Variants in RBPJ observed in about 807,000 individuals in gnomAD.
The protein encoded by RBPJ is recombination signal binding protein for immunoglobulin kappa J region, also known as recombining binding protein suppressor of hairless.
In RBPJ, 9 loss-of-function variants were observed where a neutral mutation model predicts 67.8. That is an observed-to-expected ratio of 0.13 (90% CI 0.08 to 0.23). The LOEUF (loss-of-function observed/expected upper bound fraction) is 0.23. RBPJ is among the 10% of genes least tolerant of loss of function. RBPJ has a pLI of 1.00. For missense variants in RBPJ, 305 were observed against 595.6 expected (o/e 0.51, Z 5.08); for synonymous variants, 198 against 203.3 (o/e 0.97, Z 0.22).
intron 1 of RBPJ, among the ~76,000 whole-genome samples, chr4:26,281,308 C>G (rs376878340): frequency 6.6e-6 from 1 of 151,956 alleles, no homozygotes; most frequent in East Asian, 1.9e-4. Flanking sequence ...GGCGGAGTTT[C>G]GCTCTTGTTG....
At chr4:26,163,933 A>C (rs1716158990) in intron 1 of RBPJ, among the ~76,000 whole-genome samples, 1 of 152,244 alleles carries the variant, frequency 6.6e-6, no homozygotes, top group Non-Finnish European at 1.5e-5. Flanking sequence ...AGGACCTTTC[A>C]TGTCTCCTCA....
chr4:26,115,385 A>G, the RBPJ span, among the ~76,000 whole-genome samples: 1 of 151,980 alleles, frequency 6.6e-6, no homozygotes, highest in East Asian at 1.9e-4. Context: ...GTTGGCCAGT[A>G]TAAGTTTTTT....
At chr4:26,214,645 AG>A (rs879757728) in intron 1 of RBPJ, among the ~76,000 whole-genome samples, 6 of 140,212 alleles carry the variant, frequency 4.3e-5, no homozygotes, top group East Asian at 2.2e-4. Flanking sequence ...AAAAGAAAAA[AG>A]AAAGAGAAAA....
chr4:26,266,492 G>C (rs1029249267), intron 1 of RBPJ, among the ~76,000 whole-genome samples: 8 of 152,096 alleles, frequency 5.3e-5, no homozygotes, highest in Admixed American at 5.2e-4. Context: ...AACTTAGCAA[G>C]GCCTATTTGT....
intron 1 of RBPJ, among the ~76,000 whole-genome samples, chr4:26,302,328 T>C (rs1722102586): frequency 6.6e-6 from 1 of 152,220 alleles, no homozygotes; most frequent in Non-Finnish European, 1.5e-5. Flanking sequence ...GGCTGAACTT[T>C]AGAGCTGGAA....
intron 1 of RBPJ, among the ~76,000 whole-genome samples, chr4:26,255,210 C>T (rs1205230855): frequency 2.8e-5 from 4 of 141,422 alleles, no homozygotes; most frequent in Admixed American, 7.1e-5. Context: ...CGGGACCATC[C>T]TGGCTAACAC....
rs33970711 is a variant in RBPJ, at chr4:26,268,019, AT to A, written c.-166-94419del. On this transcript the variant is annotated intron_variant, in intron 1 of 4. Transcript: ENST00000512351. ...TAGTATTACTATAAAAATAAAAATG[AT>A]TTTTTTTAAGGTATAAGCTTTTAAA... Among the ~76,000 whole-genome samples the A allele has an allele frequency of 2.8e-3, 425 of 152,154 alleles. 1 individual carries two copies. The highest frequency in any genetic ancestry group is 7.6e-3 in the African/African-American group (315 of 41,504).
chr4:26,228,856 G>A (rs143592981), intron 1 of RBPJ, among the ~76,000 whole-genome samples: 1 of 152,196 alleles, frequency 6.6e-6, no homozygotes, highest in East Asian at 1.9e-4. Context: ...GCTTGGTACA[G>A]AAACTCTCTG....
chr4:26,324,917 A>G (rs1378987477), intron 1 of RBPJ, among the ~76,000 whole-genome samples: 1 of 152,208 alleles, frequency 6.6e-6, no homozygotes, highest in East Asian at 1.9e-4. Flanking sequence ...TTAATTTTAA[A>G]TATGCCTTAT....
At chr4:26,276,029 C>G (rs1432697224) in intron 1 of RBPJ, among the ~76,000 whole-genome samples, 1 of 151,108 alleles carries the variant, frequency 6.6e-6, no homozygotes, top group Non-Finnish European at 1.5e-5. Flanking sequence ...AATCCCAGCA[C>G]TTTGGGAGGC....
intron 1 of RBPJ, among the ~76,000 whole-genome samples, chr4:26,238,906 A>C (rs956750428): frequency 8.5e-5 from 13 of 152,146 alleles, no homozygotes; most frequent in African/African-American, 3.1e-4. Context: ...ACAAAGCAGC[A>C]GGTGAGAGAG....
Position 26,269,198 on chromosome 4 carries a change from ATTATT to A in RBPJ, c.-166-93236_-166-93232del, listed in dbSNP as rs746388620. On this transcript the variant is annotated intron_variant, in intron 1 of 4. Coordinates refer to the RBPJ transcript ENST00000512351. The stretch of plus-strand genomic sequence containing the variant: ...TGCTGCCCAGGCCCTCTCCTTGGCT[ATTATT>A]TTATTTTATTTATTTATTTATTTAA... Among the ~76,000 whole-genome samples, 778 of 151,138 alleles carry A rather than the reference ATTATT, an allele frequency of 5.1e-3. 3 individuals are homozygous for A. Among genetic ancestry groups the A allele is most frequent in the Non-Finnish European group, 7.3e-3 (496 of 67,808 alleles).
intron 2 of RBPJ, among the ~76,000 whole-genome samples, chr4:26,388,622 T>A (rs1320109643): frequency 6.6e-6 from 1 of 152,068 alleles, no homozygotes; most frequent in Non-Finnish European, 1.5e-5. Context: ...TCTCTCTCTC[T>A]CTCTCAAATT....
chr4:26,109,499 CACATAT>C, the RBPJ span, among the ~76,000 whole-genome samples: 1 of 76,946 alleles, frequency 1.3e-5, no homozygotes, highest in Non-Finnish European at 2.6e-5. Flanking sequence ...TATACACACA[CACATAT>C]ATATATATAC....
chr4:26,139,037 C>G, the RBPJ span, among the ~76,000 whole-genome samples: 2 of 152,210 alleles, frequency 1.3e-5, no homozygotes, highest in Admixed American at 6.5e-5. Context: ...CTCAGGACAA[C>G]CCAGGCAGCT....
chr4:26,404,673 T>G (rs566159402), intron 2 of RBPJ, among the ~76,000 whole-genome samples: 1 of 152,340 alleles, frequency 6.6e-6, no homozygotes, highest in Admixed American at 6.5e-5. Context: ...GTTAAAGTGC[T>G]TAGTTCAAGG....
chr4:26,408,967 C>G (rs916344149), intron 3 of RBPJ, among the ~76,000 whole-genome samples: 1 of 152,214 alleles, frequency 6.6e-6, no homozygotes, highest in Non-Finnish European at 1.5e-5. Context: ...TGAGATTGGG[C>G]TAGCCCAATT....
At chr4:26,198,964 C>T (rs1164947335) in intron 1 of RBPJ, among the ~76,000 whole-genome samples, 1 of 151,816 alleles carries the variant, frequency 6.6e-6, no homozygotes, top group Admixed American at 6.6e-5. Flanking sequence ...TTAAGTGTAC[C>T]GTTCTGTGGC....
chr4:26,266,050 G>T (rs1477841923), intron 1 of RBPJ, among the ~76,000 whole-genome samples: 1 of 150,858 alleles, frequency 6.6e-6, no homozygotes, highest in African/African-American at 2.5e-5. Flanking sequence ...AAAGGATCTT[G>T]GTTCCAAGGC....
Sources: gnomAD v4.1 joint callset for allele counts (sites outside exome capture counted in the v4.1 genomes callset) on GRCh38, gnomAD v4.1.1 for gene constraint, MANE v1.5 for transcripts, NCBI Gene and HGNC (gene_info 2026-07-23, HGNC 2026-07-21) for gene names.